The following CFAP91 variants were observed in gnomAD, a reference collection of about 807,000 sequenced individuals.
The protein encoded by CFAP91 is cilia and flagella associated protein 91, also known as cilia- and flagella-associated protein 91.
Under a neutral mutation model 95.9 loss-of-function variants are expected in CFAP91, and 85 were observed. The observed-to-expected ratio is 0.89, with a 90% CI of 0.74 to 1.06. The LOEUF (loss-of-function observed/expected upper bound fraction) is 1.06. CFAP91 is among the 50% of genes least tolerant of loss of function. The pLI is 0.00. For missense variants in CFAP91, 962 were observed against 943.4 expected (o/e 1.02, Z -0.26); for synonymous variants, 335 against 327.5 (o/e 1.02, Z -0.25).
rs141438089 is a variant in CFAP91, at chr3:119,752,636, A to G, written c.*1+1538A>G. Among the ~76,000 whole-genome samples, 48 of 152,352 alleles carry G rather than the reference A, an allele frequency of 3.2e-4. No homozygotes were observed. In the East Asian group the frequency reaches 8.7e-3, roughly 28 times the overall value. Reference sequence around the variant, plus strand: ...GTCATTTTTCTGACATGCAAATTTAATAAGATTAATAATTTACACAATTTG... The same window carrying G: ...GTCATTTTTCTGACATGCAAATTTAGTAAGATTAATAATTTACACAATTTG... On this transcript the variant is annotated intron_variant, in intron 17 of 17. Coordinates refer to ENST00000273390, the MANE Select transcript of CFAP91 (RefSeq NM_033364.4).
rs781206105 is a variant in CFAP91 at position 119,726,260 on chromosome 3, A to C, written c.772A>C (p.Ser258Arg). The change falls in exon 7 of 18, where the codon AGT (serine) becomes CGT (arginine). Residue 258 changes from serine to arginine, a missense_variant. By Grantham distance (110) the Ser-to-Arg change is moderately radical. Coordinates refer to ENST00000273390, the MANE Select transcript of CFAP91 (RefSeq NM_033364.4). ...TTGGGAAGCCTCTCTCCCCGCTCTG[A>C]GTGACACCTCCCAGTTTGAGAAGAG... ...RAWEASLPAL[S>R]DTSQFEKRRK... 1.2e-5 allele frequency: 20 copies of C among 1,613,856 alleles called. No individual in the cohort carries two copies. The highest frequency in any genetic ancestry group is 1.6e-5 in the Non-Finnish European group (19 of 1,179,920).
In CFAP91 at chr3:119,739,306, G is replaced by C. The variant is rs1033366909; in HGVS notation, c.1513G>C (p.Gly505Arg). The C allele has an allele frequency of 6.2e-7, 1 of 1,614,096 alleles. No homozygotes were observed. The highest frequency in any genetic ancestry group is 2.2e-5 in the East Asian group (1 of 44,882). The stretch of plus-strand genomic sequence containing the variant: ...GATCTACCTTCAAAAGTTACTCCGG[G>C]GCAGAGTCGTTCAGAACATGGTGTG... The part of the protein sequence containing the change: ...AVIYLQKLLR[G>R]RVVQNMMFEG... Residue 505 changes from glycine (G) to arginine (R), a missense_variant, in exon 12 of 18, where the codon GGC becomes CGC. By Grantham distance (125) the Gly-to-Arg change is moderately radical. Coordinates refer to ENST00000273390, the MANE Select transcript of CFAP91 (RefSeq NM_033364.4).
At chr3:119,728,488 A>G (rs753342625) in intron 7 of CFAP91, among the ~76,000 whole-genome samples, 1 of 152,208 alleles carries the variant, frequency 6.6e-6, no homozygotes, top group African/African-American at 2.4e-5. Flanking sequence ...AGAGGGTACT[A>G]TTATTATCTC....
At chr3:119,732,031 AG>A (rs1249893698) in intron 8 of CFAP91, among the ~76,000 whole-genome samples, 3 of 148,414 alleles carry the variant, frequency 2.0e-5, no homozygotes, top group African/African-American at 7.9e-5. Flanking sequence ...CTTGAAATGC[AG>A]TTATAAAAGA....
intron 4 of CFAP91, among the ~76,000 whole-genome samples, chr3:119,709,142 A>G (rs4579049): frequency 0.91 from 139,065 of 152,258 alleles, 64,819 homozygotes; most frequent in East Asian, 1. Flanking sequence ...CAAAAGGTTC[A>G]TTTTATTTCA....
intron 17 of CFAP91, 126 bp from the exon 18 acceptor site, chr3:119,764,926 G>A (rs2054602327): frequency 6.6e-6 from 1 of 152,064 alleles, no homozygotes; most frequent in Non-Finnish European, 1.5e-5. Flanking sequence ...GATATGTGTG[G>A]GGCTGTCTGA....
rs2053854778 is a variant in CFAP91 at position 119,729,612 on chromosome 3, C to G, written c.861-608C>G. On this transcript the variant is annotated intron_variant, in intron 7 of 17. Coordinates refer to ENST00000273390, the MANE Select transcript of CFAP91 (RefSeq NM_033364.4). The stretch of plus-strand genomic sequence containing the variant: ...TGAGCTTAGATCAGGCTACTGCACT[C>G]CAGCCTGGGCAACAGAGCGAGACTC... Among the ~76,000 whole-genome samples the G allele has an allele frequency of 4.0e-5, 6 of 151,542 alleles. 1 individual carries two copies. The Middle Eastern group carries it at 0.017, about 430-fold the overall frequency.
intron 6 of CFAP91, among the ~76,000 whole-genome samples, chr3:119,719,878 G>T (rs1039022878): frequency 6.6e-6 from 1 of 152,086 alleles, no homozygotes; most frequent in Non-Finnish European, 1.5e-5. Flanking sequence ...TGAGGCAGGC[G>T]GATCACTTGA....
chr3:119,740,501 C>A, intron 12 of CFAP91, 48 bp from the exon 13 acceptor site: 3 of 1,569,410 alleles, frequency 1.9e-6, no homozygotes, highest in South Asian at 1.1e-5. Context: ...GTGCTTGGCA[C>A]AAAGGGATGG....
chr3:119,742,422 C>T (rs2054139820), intron 13 of CFAP91, among the ~76,000 whole-genome samples: 1 of 152,198 alleles, frequency 6.6e-6, no homozygotes, highest in South Asian at 2.1e-4. Flanking sequence ...TCTGTGACTA[C>T]AGTGGAGTCC....
chr3:119,721,939 G>A (rs1189355185), intron 6 of CFAP91, among the ~76,000 whole-genome samples: 1 of 152,116 alleles, frequency 6.6e-6, no homozygotes, highest in Non-Finnish European at 1.5e-5. Context: ...ACTTTGGGAT[G>A]CCAAGGCAGG....
chr3:119,746,142 G>A (rs2054215693), intron 14 of CFAP91, among the ~76,000 whole-genome samples: 1 of 152,208 alleles, frequency 6.6e-6, no homozygotes, highest in Non-Finnish European at 1.5e-5. Context: ...ACATACCTAG[G>A]TAGCAAAATT....
Position 119,740,679 on chromosome 3 carries a change from A to G in CFAP91, c.1664A>G (p.Asn555Ser). The G allele has an allele frequency of 6.2e-7, 1 of 1,614,152 alleles. No homozygotes were observed. The highest frequency in any genetic ancestry group is 1.3e-5 in the African/African-American group (1 of 75,048). ...QVTLALQRQR[N>S]LHEHKVSLVE... Reference sequence around the variant, plus strand: ...ACCCTGGCCTTACAGCGGCAGAGGAACTTGCATGAGCACAAGGTTTTCCTT... The same window carrying G: ...ACCCTGGCCTTACAGCGGCAGAGGAGCTTGCATGAGCACAAGGTTTTCCTT... Residue 555 changes from asparagine (N) to serine (S), a missense_variant, in exon 13 of 18, where the codon AAC (asparagine) becomes AGC (serine). Asn to Ser is a conservative substitution (Grantham distance 46). Transcript: ENST00000273390.
At chr3:119,713,853 T>C (rs1028026844) in intron 5 of CFAP91, among the ~76,000 whole-genome samples, 1 of 152,048 alleles carries the variant, frequency 6.6e-6, no homozygotes, top group Admixed American at 6.6e-5. Flanking sequence ...TCATGGATAT[T>C]TTTGAATGCT....
chr3:119,737,409 C>G lies in CFAP91; in HGVS notation c.1388C>G (p.Pro463Arg), dbSNP rs1577227991. Residue 463 changes from proline (P) to arginine (R), a missense_variant, in exon 11 of 18, where the codon CCC becomes CGC. Transcript: ENST00000273390. ...KKNKVLEVKK[P>R]PRFLQRNPIP... Reference sequence around the variant, plus strand: ...AATAAAGTTCTTGAAGTAAAGAAACCCCCTCGCTTCCTTCAAAGAAACCCA... The same window carrying G: ...AATAAAGTTCTTGAAGTAAAGAAACGCCCTCGCTTCCTTCAAAGAAACCCA... 2 of 1,609,848 alleles carry G rather than the reference C, an allele frequency of 1.2e-6. No individual in the cohort carries two copies. Among genetic ancestry groups the G allele is most frequent in the African/African-American group, 1.3e-5 (1 of 74,714 alleles).
chr3:119,719,224 A>C (rs1351207557), intron 6 of CFAP91, among the ~76,000 whole-genome samples: 1 of 152,246 alleles, frequency 6.6e-6, no homozygotes, highest in African/African-American at 2.4e-5. Context: ...TCATTTACAT[A>C]AAATGTAAAA....
At chr3:119,754,471 A>G (rs1421338861) in intron 17 of CFAP91, among the ~76,000 whole-genome samples, 1 of 152,232 alleles carries the variant, frequency 6.6e-6, no homozygotes, top group African/African-American at 2.4e-5. Context: ...GCTCTTTCCA[A>G]TGTGAATGCT....
chr3:119,747,178 G>A lies in CFAP91; in HGVS notation c.1966G>A (p.Ala656Thr), dbSNP rs9853426. 4,880 of 1,613,784 alleles carry A rather than the reference G, an allele frequency of 3.0e-3. 124 individuals carry two copies. The African/African-American group carries it at 0.056, about 19-fold the overall frequency. The change falls in exon 15 of 18, where the codon GCG becomes ACG. Residue 656 changes from alanine (A) to threonine (T), a missense_variant. By Grantham distance (58) the Ala-to-Thr change is moderately conservative (BLOSUM62 0). Transcript: ENST00000273390. Reference protein sequence around the residue: ...YLEDIILNTEANTAEEQARAE... With the variant: ...YLEDIILNTETNTAEEQARAE... ...AGAAGACATAATACTGAATACCGAAGCGAATACTGCAGAAGAACAAGCCAG... is the reference window on the plus strand; with the variant it reads ...AGAAGACATAATACTGAATACCGAAACGAATACTGCAGAAGAACAAGCCAG...
Position 119,766,935 on chromosome 3 carries a change from T to C in CFAP91, c.*1885T>C, listed in dbSNP as rs1384559057. The stretch of plus-strand genomic sequence containing the variant: ...CAGTCAAGGAAAATACAAGTTGTTA[T>C]ACAATTCTCATTGACTAATTGAAGT... On this transcript the variant is annotated 3_prime_UTR_variant, in exon 18 of 18. Transcript: ENST00000273390. 1.3e-5 allele frequency: 2 copies of C among 152,256 alleles called. No homozygotes were observed. Among genetic ancestry groups the C allele is most frequent in the African/African-American group, 4.8e-5 (2 of 41,472 alleles). The allele number at this position is 152,256 out of a possible 1,614,324, so 9.4% of individuals were successfully genotyped here.
Sources: gnomAD v4.1 joint callset for allele counts (sites outside exome capture counted in the v4.1 genomes callset) on GRCh38, gnomAD v4.1.1 for gene constraint, MANE v1.5 for transcripts, NCBI Gene and HGNC (gene_info 2026-07-23, HGNC 2026-07-21) for gene names.